RPL9: variants seen among roughly 807,000 people sequenced by gnomAD.
RPL9 encodes the protein ribosomal protein L9, also known as large ribosomal subunit protein uL6.
For synonymous variants in RPL9, 82 were observed against 77.1 expected (o/e 1.06, Z -0.33); for missense variants, 149 against 236.7 (o/e 0.63, Z 2.43).
At position 39,457,674 on chromosome 4, in the gene RPL9, A is replaced by C; in HGVS notation, c.170T>G (p.Val57Gly). ...CTTTCTGTTACCCCACCATTTGTCAACCCGGAGCTGTAACAGAACAAAAAA... is the reference window on the plus strand; with the variant it reads ...CTTTCTGTTACCCCACCATTTGTCACCCCGGAGCTGTAACAGAACAAAAAA... ...LLGKKKKRLR[V>G]DKWWGNRKEL... The change falls in exon 4 of 8, where the codon GTT becomes GGT. Residue 57 changes from valine (V) to glycine (G), a missense_variant. Physicochemically the swap from Val to Gly is moderately radical, Grantham distance 109. Transcript: ENST00000295955. The C allele has an allele frequency of 6.2e-7, 1 of 1,614,086 alleles. No individual in the cohort carries two copies. Among genetic ancestry groups the C allele is most frequent in the Non-Finnish European group, 8.5e-7 (1 of 1,179,920 alleles).
rs1285204894 is a variant in RPL9 at position 39,458,907 on chromosome 4, CAAAG to C, written c.-22_-19del. 4 of 708,394 alleles carry C rather than the reference CAAAG, an allele frequency of 5.6e-6. No individual in the cohort carries two copies. The African/African-American group carries it at 7.0e-5, about 12-fold the overall frequency. 43.9% of individuals were successfully genotyped at this position (708,394 alleles called of 1,614,324 possible). ...CATCCTTACCTCGCAGTAGACGCAG[CAAAG>C]AAAGAACGTCTGTCGTCATTACGTA... On this transcript the variant is annotated 5_prime_UTR_variant, in exon 1 of 8. Coordinates refer to ENST00000295955, the MANE Select transcript of RPL9 (RefSeq NM_000661.5).
intron 4 of RPL9, chr4:39,457,300 G>A (rs1170970224): frequency 1.1e-5 from 3 of 270,848 alleles, no homozygotes; most frequent in Non-Finnish European, 1.4e-5. Context: ...AGGCCAAGGT[G>A]GGAGGATCAC....
At chr4:39,455,281 G>T in intron 5 of RPL9, 1 of 193,196 alleles carries the variant, frequency 5.2e-6, no homozygotes, top group Non-Finnish European at 1.1e-5. Flanking sequence ...CCAGGAGGCA[G>T]GGGTTTATTT....
At chr4:39,458,588 T>C in intron 1 of RPL9, 148 bp from the exon 2 acceptor site, 1 of 780,102 alleles carries the variant, frequency 1.3e-6, no homozygotes, top group Non-Finnish European at 2.1e-6. Context: ...CGGGCCCCAG[T>C]GTGTCCCAGC....
Position 39,454,930 on chromosome 4 carries a change from C to G in RPL9, c.406G>C (p.Val136Leu). Residue 136 changes from valine to leucine, a missense_variant, in exon 6 of 8, where the codon GTA becomes CTA. Transcript: ENST00000295955. ...VRMRPGVACS[V>L]SQAQKDELIL... Reference sequence around the variant, plus strand: ...AATTCATCTTTCTGGGCTTGAGATACTGAACAAGCAACACCTAAAAGGGGA... The same window carrying G: ...AATTCATCTTTCTGGGCTTGAGATAGTGAACAAGCAACACCTAAAAGGGGA... The G allele has an allele frequency of 6.2e-7, 1 of 1,613,786 alleles. No individual in the cohort carries two copies. Among genetic ancestry groups the G allele is most frequent in the Non-Finnish European group, 8.5e-7 (1 of 1,179,856 alleles).
intron 5 of RPL9, chr4:39,456,022 TGTTA>T: frequency 3.8e-6 from 1 of 264,356 alleles, no homozygotes; most frequent in Non-Finnish European, 7.4e-6. Context: ...GTGATGGATG[TGTTA>T]ATTAGCCTGA....
intron 3 of RPL9, 87 bp from the exon 4 acceptor site, chr4:39,457,768 A>C: frequency 8.9e-7 from 1 of 1,125,178 alleles, no homozygotes; most frequent in Non-Finnish European, 1.3e-6. Context: ...TTAAGATTCT[A>C]GAATTAACCC....
At chr4:39,456,651 T>G (rs1744098560) in intron 4 of RPL9, 113 bp from the exon 5 acceptor site, 10 of 1,165,072 alleles carry the variant, frequency 8.6e-6, no homozygotes, top group Non-Finnish European at 1.1e-5. Context: ...ACTGCCAAGA[T>G]TTTCTAATAA....
chr4:39,454,754 A>G lies in RPL9; in HGVS notation c.473-105T>C, dbSNP rs1744020107. On this transcript the variant is annotated intron_variant, in intron 6 of 7. Transcript: ENST00000295955. Reference sequence around the variant, plus strand: ...TAAAATTTCAGAATGTGACCTTTTTATTTTCACAATTTAAAAAGCTAATCA... The same window carrying G: ...TAAAATTTCAGAATGTGACCTTTTTGTTTTCACAATTTAAAAAGCTAATCA... 5 of 1,452,460 alleles carry G rather than the reference A, an allele frequency of 3.4e-6. No individual in the cohort carries two copies. In the South Asian group the frequency reaches 6.3e-5, roughly 18 times the overall value. 90.0% of individuals were successfully genotyped at this position (1,452,460 alleles called of 1,614,324 possible). A position where few individuals can be genotyped will look rare whatever the true frequency, so the allele number is the denominator to read the frequency against.
chr4:39,458,305 G>T lies in RPL9; in HGVS notation c.51C>A (p.Asp17Glu), dbSNP rs763721363. 4.3e-6 allele frequency: 7 copies of T among 1,613,926 alleles called. No homozygotes were observed. Among genetic ancestry groups the T allele is most frequent in the Non-Finnish European group, 5.9e-6 (7 of 1,179,982 alleles). The change falls in exon 3 of 8, where the codon GAC becomes GAA. Residue 17 changes from aspartate (D) to glutamate (E), a missense_variant. By Grantham distance (45) the Asp-to-Glu change is conservative (BLOSUM62 2). Coordinates refer to ENST00000295955, the MANE Select transcript of RPL9 (RefSeq NM_000661.5). ...NQTVDIPENV[D>E]ITLKGRTVIV... ...TAACTGTGCGTCCCTTCAGAGTAAT[G>T]TCGACTAGAAGAGAGAACACACTCG...
chr4:39,455,580 C>T (rs1744054768), intron 5 of RPL9, among the ~76,000 whole-genome samples: 1 of 151,906 alleles, frequency 6.6e-6, no homozygotes, highest in South Asian at 2.1e-4. Flanking sequence ...TTGAAATCAG[C>T]CTGGGCAACG....
intron 4 of RPL9, 130 bp downstream of exon 4, chr4:39,457,456 G>A (rs931752081): frequency 2.7e-6 from 2 of 738,302 alleles, no homozygotes; most frequent in South Asian, 3.4e-5. Context: ...GCCTATTTTT[G>A]CCAAGTTCTT....
chr4:39,457,431 T>A (rs1293648312), intron 4 of RPL9, 155 bp downstream of exon 4: 3 of 625,876 alleles, frequency 4.8e-6, no homozygotes, highest in Non-Finnish European at 8.5e-6. Context: ...CTCTATCGCT[T>A]AAAGACCCAC....
At chr4:39,455,178 C>T (rs1744037454) in intron 5 of RPL9, 1 of 377,278 alleles carries the variant, frequency 2.7e-6, no homozygotes, top group Non-Finnish European at 4.8e-6. Context: ...TGAAACCCAT[C>T]TCTAGTAAAA....
At chr4:39,456,276 A>C in intron 5 of RPL9, 130 bp downstream of exon 5, 1 of 984,980 alleles carries the variant, frequency 1.0e-6, no homozygotes, top group Non-Finnish European at 1.6e-6. Flanking sequence ...GATAATTCTA[A>C]AACAAATCTG....
In RPL9 at chr4:39,454,324, AC is replaced by A. The variant is rs200953297; in HGVS notation, c.*11-100del. The A allele has an allele frequency of 5.3e-3, 2,483 of 471,674 alleles. 48 individuals are homozygous for A. Among genetic ancestry groups the A allele is most frequent in the African/African-American group, 0.045 (2,261 of 50,424 alleles). The allele number at this position is 471,674 out of a possible 1,614,324, so 29.2% of individuals were successfully genotyped here. ...TACTATTCTAAATAATCTAAAACAT[AC>A]CTCAAGACTATGACTTACTGATTCA... On this transcript the variant is annotated intron_variant, in intron 7 of 7. Transcript: ENST00000295955.
Position 39,456,443 on chromosome 4 carries a change from C to G in RPL9, c.354G>C (p.Leu118Phe). The G allele has an allele frequency of 3.7e-6, 6 of 1,614,118 alleles. No individual in the cohort carries two copies. The South Asian group carries it at 5.5e-5, about 15-fold the overall frequency. Residue 118 changes from leucine to phenylalanine, a missense_variant, in exon 5 of 8, where the codon TTG (leucine) becomes TTC (phenylalanine). Coordinates refer to ENST00000295955, the MANE Select transcript of RPL9 (RefSeq NM_000661.5). ...GAACCCTGCGGATATATTTTTCACC[C>G]AAGAAATTTCGGATTTCAACAAGAG... ...NGSLVEIRNFLGEKYIRRVRM... is the reference protein window; with the variant it reads ...NGSLVEIRNFFGEKYIRRVRM...
At position 39,456,440 on chromosome 4, in the gene RPL9, A is replaced by T. The variant is rs1560659715; in HGVS notation, c.357T>A (p.Gly119=). 1.2e-6 allele frequency: 2 copies of T among 1,614,144 alleles called. No individual in the cohort carries two copies. Among genetic ancestry groups the T allele is most frequent in the Non-Finnish European group, 1.7e-6 (2 of 1,180,002 alleles). ...TCCGAACCCTGCGGATATATTTTTC[A>T]CCCAAGAAATTTCGGATTTCAACAA... ...GSLVEIRNFL[G]EKYIRRVRMR... The change falls in exon 5 of 8, where the codon GGT becomes GGA. Residue 119 remains glycine, a synonymous_variant. Transcript: ENST00000295955.
Position 39,457,672 on chromosome 4 carries a change from C to T in RPL9, c.172G>A (p.Asp58Asn). ...LGKKKKRLRV[D>N]KWWGNRKELA... ...TCCTTTCTGTTACCCCACCATTTGT[C>T]AACCCGGAGCTGTAACAGAACAAAA... The change falls in exon 4 of 8, where the codon GAC (aspartate) becomes AAC (asparagine). Residue 58 changes from aspartate to asparagine, a missense_variant. Asp to Asn is a conservative substitution (Grantham distance 23). Coordinates refer to ENST00000295955, the MANE Select transcript of RPL9 (RefSeq NM_000661.5). 1 of 1,614,070 alleles carries T rather than the reference C, an allele frequency of 6.2e-7. No individual in the cohort carries two copies. The highest frequency in any genetic ancestry group is 1.1e-5 in the South Asian group (1 of 91,072).
Sources: gnomAD v4.1 joint callset for allele counts (sites outside exome capture counted in the v4.1 genomes callset) on GRCh38, gnomAD v4.1.1 for gene constraint, MANE v1.5 for transcripts, NCBI Gene and HGNC (gene_info 2026-07-23, HGNC 2026-07-21) for gene names.